The following LARS1 variants were observed in gnomAD, a reference collection of about 807,000 sequenced individuals.
The protein encoded by LARS1 is leucine--tRNA ligase, cytoplasmic.
In LARS1, 100 loss-of-function variants were observed where a neutral mutation model predicts 162.8. That is an observed-to-expected ratio of 0.61 (90% confidence interval 0.52 to 0.73). The LOEUF (loss-of-function observed/expected upper bound fraction) is 0.73. LARS1 is among the 30% of genes least tolerant of loss of function. The pLI, the probability that LARS1 is intolerant of heterozygous loss-of-function variation, is 0.00. For synonymous variants in LARS1, 457 were observed against 462.8 expected (o/e 0.99, Z 0.16); for missense variants, 1,258 against 1,408.9 (o/e 0.89, Z 1.71).
intron 4 of LARS1, among the ~76,000 whole-genome samples, chr5:146,171,563 T>A (rs1754279221): frequency 6.6e-6 from 1 of 152,166 alleles, no homozygotes; most frequent in Non-Finnish European, 1.5e-5. Flanking sequence ...AACTGTTTAT[T>A]ATTTTATGCC....
intron 5 of LARS1, among the ~76,000 whole-genome samples, chr5:146,165,888 A>G (rs1459010077): frequency 6.6e-6 from 1 of 152,230 alleles, no homozygotes; most frequent in Admixed American, 6.5e-5. Context: ...TCACTGTTGT[A>G]GTAAGAAGTC....
In LARS1 at chr5:146,113,955, T is replaced by G. The variant is rs1764086671; in HGVS notation, c.*151A>C. 3.1e-6 allele frequency: 2 copies of G among 642,306 alleles called. No homozygotes were observed. Among genetic ancestry groups the G allele is most frequent in the Admixed American group, 2.7e-5 (1 of 37,680 alleles). The allele number at this position is 642,306 out of a possible 1,614,324, so 39.8% of individuals were successfully genotyped here. On this transcript the variant is annotated 3_prime_UTR_variant, in exon 32 of 32. Coordinates refer to ENST00000394434, the MANE Select transcript of LARS1 (RefSeq NM_020117.11). The stretch of plus-strand genomic sequence containing the variant: ...TTAGGTCCAGGAATCAAAGATGACT[T>G]GATAGAATTATGAATACATGCAGAA...
At chr5:146,122,042 TA>T (rs1287359292) in intron 30 of LARS1, among the ~76,000 whole-genome samples, 11 of 151,942 alleles carry the variant, frequency 7.2e-5, no homozygotes, top group Non-Finnish European at 7.4e-5. Flanking sequence ...AGCCAAAAAC[TA>T]AGAGGTTAAA....
intron 20 of LARS1, among the ~76,000 whole-genome samples, chr5:146,142,371 A>C (rs1752823609): frequency 6.6e-6 from 1 of 152,190 alleles, no homozygotes; most frequent in African/African-American, 2.4e-5. Flanking sequence ...GGCATAAGAA[A>C]TTGTCTTGGT....
chr5:146,143,035 C>T lies in LARS1; in HGVS notation c.1927G>A (p.Ala643Thr). ...EVWDYVFFKE[A>T]PFPKTQIAKE... Reference sequence around the variant, plus strand: ...GCAATCTGAGTCTTAGGAAATGGAGCCTCCTTGAAGAAAACATAATCCCAA... The same window carrying T: ...GCAATCTGAGTCTTAGGAAATGGAGTCTCCTTGAAGAAAACATAATCCCAA... Residue 643 changes from alanine (A) to threonine (T), a missense_variant, in exon 20 of 32, where the codon GCT (alanine) becomes ACT (threonine). By Grantham distance (58) the Ala-to-Thr change is moderately conservative. Transcript: ENST00000394434. The T allele has an allele frequency of 6.2e-7, 1 of 1,613,810 alleles. No homozygotes were observed. Among genetic ancestry groups the T allele is most frequent in the Non-Finnish European group, 8.5e-7 (1 of 1,179,912 alleles).
chr5:146,129,271 CT>C (rs1363530978), intron 25 of LARS1, among the ~76,000 whole-genome samples, 153 bp from the exon 26 acceptor site: 4 of 152,184 alleles, frequency 2.6e-5, no homozygotes, highest in Non-Finnish European at 4.4e-5. Flanking sequence ...TGCACAGCCC[CT>C]GATCTAATGT....
chr5:146,115,670 A>C (rs1764177004), intron 31 of LARS1, among the ~76,000 whole-genome samples: 1 of 151,830 alleles, frequency 6.6e-6, no homozygotes, highest in Admixed American at 6.6e-5. Context: ...AGCCCAAAAG[A>C]AGTATATTTA....
rs113272796 is a variant in LARS1 at position 146,115,215 on chromosome 5, T to C, written c.3326-904A>G. ...GTGTATTTTTTAGCATTATCCTATA[T>C]GGTCTCTCAAATCATTTTTATATGC... On this transcript the variant is annotated intron_variant, in intron 31 of 31. Transcript: ENST00000394434. Among the ~76,000 whole-genome samples, 24 of 152,222 alleles carry C rather than the reference T, an allele frequency of 1.6e-4. 1 individual carries two copies. The highest frequency in any genetic ancestry group is 5.8e-4 in the African/African-American group (24 of 41,544).
chr5:146,139,844 C>T (rs1350934556), intron 21 of LARS1: 11 of 143,200 alleles, frequency 7.7e-5, no homozygotes, highest in Non-Finnish European at 1.2e-4. Context: ...CACTGCACTC[C>T]AGTGTGGGAG....
chr5:146,177,677 A>G lies in LARS1; in HGVS notation c.7-12T>C, dbSNP rs752811543. 7.2e-7 allele frequency: 1 copy of G among 1,389,344 alleles called. No individual in the cohort carries two copies. Among genetic ancestry groups the G allele is most frequent in the Admixed American group, 1.7e-5 (1 of 57,314 alleles). 86.1% of individuals were successfully genotyped at this position (1,389,344 alleles called of 1,614,324 possible). On this transcript the variant is annotated splice_polypyrimidine_tract_variant and intron_variant, in intron 1 of 31. Coordinates refer to ENST00000394434, the MANE Select transcript of LARS1 (RefSeq NM_020117.11). Reference sequence around the variant, plus strand: ...GTTCCTTTTCTTTCCTATTGGACACAAAGAGAATAATCCACTCTGTATTTC... The same window carrying G: ...GTTCCTTTTCTTTCCTATTGGACACGAAGAGAATAATCCACTCTGTATTTC...
At position 146,114,221 on chromosome 5, in the gene LARS1, G is replaced by A; in HGVS notation, c.3416C>T (p.Thr1139Ile). Residue 1139 changes from threonine to isoleucine, a missense_variant, in exon 32 of 32, where the codon ACC (threonine) becomes ATC (isoleucine). Thr to Ile is a moderately conservative substitution (Grantham distance 89). Coordinates refer to ENST00000394434, the MANE Select transcript of LARS1 (RefSeq NM_020117.11). ...GAAAACAGCATGCTCAGAAATGGGG[G>A]TCTTCTCGGTGTACTCCTTTCCCAG... Reference protein sequence around the residue: ...PVLGKEYTEKTPISEHAVFNV... With the variant: ...PVLGKEYTEKIPISEHAVFNV... 6.2e-7 allele frequency: 1 copy of A among 1,613,790 alleles called. No homozygotes were observed.
rs1241483891 is a variant in LARS1 at position 146,143,453 on chromosome 5, C to A, written c.1836G>T (p.Gly612=). The change falls in exon 19 of 32, where the codon GGG becomes GGT. Residue 612 remains glycine, a synonymous_variant. Transcript: ENST00000394434. ...AFYTVAHLLQ[G]GNLHGQAESP... Reference sequence around the variant, plus strand: ...ACTCTGCCTGTCCATGCAAGTTACCCCCCTGCAATAGGTGTGCAACTGTGT... The same window carrying A: ...ACTCTGCCTGTCCATGCAAGTTACCACCCTGCAATAGGTGTGCAACTGTGT... 2 of 1,613,844 alleles carry A rather than the reference C, an allele frequency of 1.2e-6. No homozygotes were observed. Among genetic ancestry groups the A allele is most frequent in the Non-Finnish European group, 1.7e-6 (2 of 1,179,806 alleles).
chr5:146,182,446 C>G, intron 1 of LARS1, 42 bp downstream of exon 1: 1 of 1,613,762 alleles, frequency 6.2e-7, no homozygotes, highest in Non-Finnish European at 8.5e-7. Flanking sequence ...ACTGGCCAGT[C>G]CGGCTCCAGG....
In LARS1 at chr5:146,129,012, C is replaced by T. The variant is rs770180521; in HGVS notation, c.2735G>A (p.Arg912Gln). 21 of 1,604,604 alleles carry T rather than the reference C, an allele frequency of 1.3e-5. No individual in the cohort carries two copies. The highest frequency in any genetic ancestry group is 4.0e-5 in the African/African-American group (3 of 74,160). The stretch of plus-strand genomic sequence containing the variant: ...AGCTGGCATCATATAGTTCTTGAGT[C>T]GTAGTCTAAGGTCATGTGTTACTTC... ...LMEVTHDLRLRLKNYMMPAKG... is the reference protein window; with the variant it reads ...LMEVTHDLRLQLKNYMMPAKG... The change falls in exon 26 of 32, where the codon CGA becomes CAA. Residue 912 changes from arginine (R) to glutamine (Q), a missense_variant. Transcript: ENST00000394434.
At chr5:146,116,302 C>T (rs938102509) in intron 31 of LARS1, among the ~76,000 whole-genome samples, 1 of 152,180 alleles carries the variant, frequency 6.6e-6, no homozygotes, top group African/African-American at 2.4e-5. Context: ...ACAAGTTCTG[C>T]CAGCAGATTT....
intron 27 of LARS1, among the ~76,000 whole-genome samples, chr5:146,128,184 C>T (rs1301578117): frequency 6.6e-6 from 1 of 152,084 alleles, no homozygotes; most frequent in Non-Finnish European, 1.5e-5. Context: ...TGTCTTCAAG[C>T]TCTACATTTC....
intron 31 of LARS1, among the ~76,000 whole-genome samples, chr5:146,115,610 G>C (rs201864444): frequency 7.8e-5 from 3 of 38,628 alleles, no homozygotes; most frequent in African/African-American, 2.3e-4. Flanking sequence ...AAAAAAAAAA[G>C]CACCTGTCTC....
chr5:146,174,296 T>A (rs1754410121), intron 2 of LARS1, among the ~76,000 whole-genome samples: 1 of 149,494 alleles, frequency 6.7e-6, no homozygotes, highest in Non-Finnish European at 1.5e-5. Flanking sequence ...AACTACAAAA[T>A]TAGCTGTGCG....
chr5:146,129,673 A>G (rs1354182354), intron 25 of LARS1, among the ~76,000 whole-genome samples: 1 of 152,086 alleles, frequency 6.6e-6, no homozygotes, highest in Non-Finnish European at 1.5e-5. Flanking sequence ...AGTCCTATAT[A>G]TGCCAGAAGT....
Sources: allele counts gnomAD v4.1 joint callset (sites outside exome capture counted in the v4.1 genomes callset), GRCh38; gene constraint gnomAD v4.1.1; transcripts MANE v1.5; gene names NCBI Gene and HGNC (gene_info 2026-07-23, HGNC 2026-07-21).